The following UNC80 variants were observed in gnomAD, a reference collection of about 807,000 sequenced individuals.
The protein encoded by UNC80 is protein unc-80 homolog.
A neutral mutation model predicts 384.6 loss-of-function variants in UNC80; 164 were observed. The ratio of observed to expected loss-of-function variants is 0.43; its 90% confidence interval spans 0.38 to 0.49. The LOEUF is 0.49. Among genes scored for constraint, UNC80 ranks in the 20% least tolerant of loss-of-function variants. UNC80 has a pLI of 0.00. For synonymous variants in UNC80, 1,486 were observed against 1,527.8 expected, an observed-to-expected ratio of 0.97 and a Z score of 0.64; for missense variants, 3,330 against 4,143.0, an observed-to-expected ratio of 0.80 and a Z score of 5.39.
At chr2:209,960,436 T>C (rs992039008) in intron 51 of UNC80, among the ~76,000 whole-genome samples, 1 of 152,218 alleles carries the variant, frequency 6.6e-6, no homozygotes, top group African/African-American at 2.4e-5. Context: ...GAGGACCTTC[T>C]ATTCAGATTT....
intron 29 of UNC80, among the ~76,000 whole-genome samples, chr2:209,907,852 C>G (rs960870785): frequency 6.6e-6 from 1 of 152,214 alleles, no homozygotes; most frequent in Non-Finnish European, 1.5e-5. Context: ...TAGGGTGTTT[C>G]ATGAGTGCCC....
intron 14 of UNC80, among the ~76,000 whole-genome samples, chr2:209,827,043 C>T (rs80130224): frequency 0.045 from 6,876 of 151,802 alleles, 513 homozygotes; most frequent in African/African-American, 0.16. Context: ...TATTGTGTTG[C>T]GTTATTTTAG....
chr2:209,936,700 C>G lies in UNC80; in HGVS notation c.6274-144C>G. On this transcript the variant is annotated intron_variant, in intron 40 of 64. Transcript: ENST00000673920. ...TACACACACACATATCTAACGTATA[C>G]AGTTTACATAAGACATCAATATATA... 9.7e-6 allele frequency: 6 copies of G among 617,736 alleles called. No homozygotes were observed. The Admixed American group carries it at 1.7e-4, about 17-fold the overall frequency. 38.3% of individuals were successfully genotyped at this position (617,736 alleles called of 1,614,324 possible).
chr2:209,800,689 C>T (rs1162260784), intron 7 of UNC80, among the ~76,000 whole-genome samples: 1 of 152,126 alleles, frequency 6.6e-6, no homozygotes, highest in Admixed American at 6.6e-5. Flanking sequence ...CTGATATGGA[C>T]ATTTAGTGCT....
At chr2:209,781,879 G>A (rs1399322649) in intron 4 of UNC80, among the ~76,000 whole-genome samples, 5 of 152,056 alleles carry the variant, frequency 3.3e-5, no homozygotes, top group East Asian at 1.9e-4. Flanking sequence ...AATGAGCCCC[G>A]TCCCTAGATT....
intron 7 of UNC80, 87 bp from the exon 8 acceptor site, chr2:209,813,493 G>A: frequency 7.4e-7 from 1 of 1,354,998 alleles, no homozygotes; most frequent in Non-Finnish European, 9.9e-7. Flanking sequence ...CTAAACAAAT[G>A]AGAAAAGTAG....
chr2:209,969,566 G>C, intron 52 of UNC80: 1 of 583,396 alleles, frequency 1.7e-6, no homozygotes, highest in Non-Finnish European at 2.9e-6. Context: ...AGATTTAGTC[G>C]AGTGGGGCAG....
intron 7 of UNC80, among the ~76,000 whole-genome samples, chr2:209,806,611 T>G (rs934095327): frequency 1.3e-5 from 2 of 152,242 alleles, no homozygotes; most frequent in Non-Finnish European, 2.9e-5. Flanking sequence ...GTGTCTTTAT[T>G]GGAAGAGCTC....
At chr2:209,944,383 A>G (rs924157595) in intron 45 of UNC80, among the ~76,000 whole-genome samples, 10 of 152,146 alleles carry the variant, frequency 6.6e-5, no homozygotes, top group African/African-American at 2.2e-4. Context: ...ATGAATTTCT[A>G]CGACACTCAA....
rs2091617017 is a variant in UNC80, at chr2:209,941,315, A to G, written c.6741A>G (p.Pro2247=). Residue 2247 remains proline, a synonymous_variant, in exon 44 of 65, where the codon CCA becomes CCG. Coordinates refer to ENST00000673920, the MANE Select transcript of UNC80 (RefSeq NM_001371986.1). ...TCCTGGGCATGCCGAGCGAGTTTCC[A>G]TGGGGAGACGAAATCATGCTTTTCC... ...EMFLGMPSEF[P]WGDEIMLFLN... The G allele has an allele frequency of 1.3e-6, 2 of 1,550,796 alleles. No homozygotes were observed. The highest frequency in any genetic ancestry group is 4.9e-5 in the East Asian group (2 of 40,874).
At chr2:209,802,997 T>C (rs2078657530) in intron 7 of UNC80, among the ~76,000 whole-genome samples, 1 of 152,164 alleles carries the variant, frequency 6.6e-6, no homozygotes, top group Non-Finnish European at 1.5e-5. Flanking sequence ...TACCTCAAAA[T>C]ATGGTAGCTG....
At chr2:209,987,581 G>A (rs1289075873) in intron 61 of UNC80, among the ~76,000 whole-genome samples, 2 of 152,084 alleles carry the variant, frequency 1.3e-5, no homozygotes, top group Non-Finnish European at 2.9e-5. Context: ...GGCTATTCAA[G>A]AACTTATGGC....
chr2:209,782,900 A>G (rs939444244), intron 4 of UNC80, among the ~76,000 whole-genome samples: 1 of 148,458 alleles, frequency 6.7e-6, no homozygotes. Context: ...ATTTTGCCAC[A>G]TTCACTTATT....
At chr2:209,810,833 T>C (rs1470699599) in intron 7 of UNC80, among the ~76,000 whole-genome samples, 2 of 152,162 alleles carry the variant, frequency 1.3e-5, no homozygotes, top group Non-Finnish European at 2.9e-5. Context: ...CAGGCTCTTA[T>C]AATAAATCAA....
At chr2:209,823,401 CT>C (rs1264429688) in intron 13 of UNC80, among the ~76,000 whole-genome samples, 3 of 152,118 alleles carry the variant, frequency 2.0e-5, no homozygotes, top group African/African-American at 7.2e-5. Context: ...TCAGGATGAC[CT>C]TTTCTGAGGC....
intron 5 of UNC80, among the ~76,000 whole-genome samples, chr2:209,787,649 C>T (rs2077523371): frequency 6.6e-6 from 1 of 152,134 alleles, no homozygotes; most frequent in Non-Finnish European, 1.5e-5. Flanking sequence ...AGGCATTACT[C>T]ATGTGTTTGT....
chr2:209,852,378 T>C lies in UNC80; in HGVS notation c.3627+2755T>C, dbSNP rs188121300. ...GACATGATTGGTTGGATAAAAGGCA[T>C]AGGTGATGATGGTGGTGGTGGTGGT... On this transcript the variant is annotated intron_variant, in intron 22 of 64. Transcript: ENST00000673920. Among the ~76,000 whole-genome samples, 192 of 152,124 alleles carry C rather than the reference T, an allele frequency of 1.3e-3. 1 individual carries two copies. The highest frequency in any genetic ancestry group is 2.3e-3 in the Non-Finnish European group (154 of 67,964).
rs114998021 is a variant in UNC80, at chr2:209,808,867, C to T, written c.939-4713C>T. 3.9e-4 allele frequency: 126 copies of T among 319,540 alleles called. 1 individual carries two copies. The highest frequency in any genetic ancestry group is 2.7e-3 in the African/African-American group (120 of 44,636). The allele number at this position is 319,540 out of a possible 1,614,324, so 19.8% of individuals were successfully genotyped here. On this transcript the variant is annotated intron_variant, in intron 7 of 64. Coordinates refer to ENST00000673920, the MANE Select transcript of UNC80 (RefSeq NM_001371986.1). ...TGATCGGAAGCCCAACTACAGCAAA[C>T]TGCCGGACTCGAATCCAGAGTTTAC... is the stretch of plus-strand genomic sequence containing the variant.
chr2:209,831,603 T>G lies in UNC80; in HGVS notation c.2775+12T>G, dbSNP rs1392074924. ...GCCCTGAGAATCTGGTGAGAAGCTC[T>G]CCTCTCTTCCCACAGGAGCTCTCAG... is the stretch of plus-strand genomic sequence containing the variant. On this transcript the variant is annotated intron_variant, in intron 16 of 64. Coordinates refer to ENST00000673920, the MANE Select transcript of UNC80 (RefSeq NM_001371986.1). 1 of 1,527,554 alleles carries G rather than the reference T, an allele frequency of 6.5e-7. No individual in the cohort carries two copies. Among genetic ancestry groups the G allele is most frequent in the African/African-American group, 1.4e-5 (1 of 72,338 alleles). 94.6% of individuals were successfully genotyped at this position (1,527,554 alleles called of 1,614,324 possible).
Sources: allele counts gnomAD v4.1 joint callset (sites outside exome capture counted in the v4.1 genomes callset), GRCh38; gene constraint gnomAD v4.1.1; transcripts MANE v1.5; gene names NCBI Gene and HGNC (gene_info 2026-07-23, HGNC 2026-07-21).